Variants in TEX26 observed in about 807,000 individuals in gnomAD.
TEX26 encodes testis expressed 26.
Under a neutral mutation model 35.3 loss-of-function variants are expected in TEX26, and 34 were observed. The ratio of observed to expected loss-of-function variants is 0.96; its 90% confidence interval spans 0.73 to 1.28. TEX26 has a LOEUF of 1.28. TEX26 is among the 50% of genes most tolerant of loss of function. TEX26 has a pLI of 0.00. For synonymous variants in TEX26, 136 were observed against 111.8 expected, an observed-to-expected ratio of 1.22 and a Z score of -1.36; for missense variants, 371 against 330.1, an observed-to-expected ratio of 1.12 and a Z score of -0.96.
At chr13:30,952,401 A>T (rs1296790222) in intron 2 of TEX26, among the ~76,000 whole-genome samples, 1 of 152,116 alleles carries the variant, frequency 6.6e-6, no homozygotes, top group Non-Finnish European at 1.5e-5. Context: ...TCAGCTCTTT[A>T]AAAAAATTAA....
chr13:30,958,539 G>A (rs2138286540), intron 4 of TEX26, among the ~76,000 whole-genome samples: 2 of 152,238 alleles, frequency 1.3e-5, no homozygotes, highest in South Asian at 4.1e-4. Flanking sequence ...GCCAGGGAGT[G>A]CTGAGGGCCC....
rs529274638 is a variant in TEX26 at position 30,968,879 on chromosome 13, C to G, written c.647-6C>G. ...CCGACCTCTCCTCCCCTGTGTATTTCTATAGTGCCTTCTGTGCTGCACAGC... is the reference window on the plus strand; with the variant it reads ...CCGACCTCTCCTCCCCTGTGTATTTGTATAGTGCCTTCTGTGCTGCACAGC... On this transcript the variant is annotated splice_polypyrimidine_tract_variant and splice_region_variant and intron_variant, in intron 5 of 6. Coordinates refer to ENST00000380473, the MANE Select transcript of TEX26 (RefSeq NM_152325.3). The G allele has an allele frequency of 1.2e-6, 2 of 1,612,382 alleles. No individual in the cohort carries two copies. The highest frequency in any genetic ancestry group is 2.2e-5 in the South Asian group (2 of 90,700).
chr13:30,962,431 G>A (rs1453991584), intron 4 of TEX26, among the ~76,000 whole-genome samples: 1 of 152,100 alleles, frequency 6.6e-6, no homozygotes, highest in East Asian at 1.9e-4. Flanking sequence ...CCTCCCTGTG[G>A]AGCAGGTCTC....
At chr13:30,937,253 G>A (rs1953306391) in intron 1 of TEX26, among the ~76,000 whole-genome samples, 1 of 152,178 alleles carries the variant, frequency 6.6e-6, no homozygotes, top group African/African-American at 2.4e-5. Flanking sequence ...ATCTTCAGAA[G>A]GGATAGGACC....
chr13:30,964,283 C>T (rs1954450415), intron 4 of TEX26, among the ~76,000 whole-genome samples: 1 of 151,954 alleles, frequency 6.6e-6, no homozygotes, highest in African/African-American at 2.4e-5. Flanking sequence ...TGAGGGTCAG[C>T]AGATGTATTC....
At chr13:30,961,859 T>A (rs1954357575) in intron 4 of TEX26, among the ~76,000 whole-genome samples, 1 of 152,232 alleles carries the variant, frequency 6.6e-6, no homozygotes, top group Non-Finnish European at 1.5e-5. Flanking sequence ...TTCCTCCTAC[T>A]TTTTTGACTC....
intron 2 of TEX26, among the ~76,000 whole-genome samples, chr13:30,943,390 A>T (rs1452873054): frequency 6.6e-6 from 1 of 151,784 alleles, no homozygotes; most frequent in Non-Finnish European, 1.5e-5. Context: ...CTCTAGGTAT[A>T]TGATCATATC....
intron 1 of TEX26, chr13:30,933,877 C>T (rs1001123528): frequency 6.6e-6 from 1 of 152,186 alleles, no homozygotes; most frequent in Non-Finnish European, 1.5e-5. Context: ...CAGGATTGAT[C>T]CTTCTAGGCT....
intron 2 of TEX26, among the ~76,000 whole-genome samples, chr13:30,952,001 A>ATTTTTTTT (rs751918742): frequency 5.9e-5 from 3 of 50,712 alleles, no homozygotes; most frequent in Admixed American, 2.9e-4. Flanking sequence ...TTATTCTGGG[A>ATTTTTTTT]TTTTTTTTTT....
intron 1 of TEX26, chr13:30,933,524 A>G (rs1953152686): frequency 1.3e-5 from 2 of 152,216 alleles, no homozygotes; most frequent in Non-Finnish European, 2.9e-5. Context: ...ATAGTTGGGT[A>G]ACTGTGATTC....
intron 2 of TEX26, among the ~76,000 whole-genome samples, chr13:30,952,001 A>ATTTTTTTTT (rs751918742): frequency 1.8e-4 from 9 of 50,708 alleles, no homozygotes; most frequent in African/African-American, 6.0e-4. Flanking sequence ...TTATTCTGGG[A>ATTTTTTTTT]TTTTTTTTTT....
intron 2 of TEX26, among the ~76,000 whole-genome samples, chr13:30,950,333 G>T (rs369173328): frequency 1.3e-5 from 2 of 152,158 alleles, no homozygotes; most frequent in East Asian, 3.9e-4. Context: ...TTGAACCCAG[G>T]AAGTGGAGGT....
Position 30,952,810 on chromosome 13 carries a change from A to G in TEX26, c.297A>G (p.Lys99=). The G allele has an allele frequency of 1.2e-6, 2 of 1,612,844 alleles. No individual in the cohort carries two copies. The highest frequency in any genetic ancestry group is 1.7e-6 in the Non-Finnish European group (2 of 1,179,452). ...CTTCAAGAGGAATCAAGAGCCACAA[A>G]TCTCATCTCAATGAAGTAAGATAAT... ...TETSRGIKSH[K]SHLNEDIFLW... The change falls in exon 3 of 7, where the codon AAA becomes AAG. Residue 99 remains lysine (K), a synonymous_variant. Transcript: ENST00000380473.
chr13:30,956,528 C>A (rs1359218248), intron 3 of TEX26, among the ~76,000 whole-genome samples: 2 of 152,192 alleles, frequency 1.3e-5, no homozygotes, highest in Non-Finnish European at 2.9e-5. Context: ...AAGGGGAAAG[C>A]AGCTACTGCC....
At chr13:30,952,598 T>G (rs1356600820) in intron 2 of TEX26, 62 bp from the exon 3 acceptor site, 1 of 1,347,554 alleles carries the variant, frequency 7.4e-7, no homozygotes, top group Non-Finnish European at 1.0e-6. Context: ...ATTTGACATG[T>G]GTACTTTTGT....
intron 6 of TEX26, among the ~76,000 whole-genome samples, chr13:30,972,615 TTTG>T (rs546077309): frequency 1.9e-3 from 283 of 152,176 alleles, no homozygotes; most frequent in African/African-American, 5.9e-3. Context: ...ATACAATCAC[TTTG>T]TTGTTGTTTT....
At chr13:30,937,621 G>C (rs1420748275) in intron 1 of TEX26, among the ~76,000 whole-genome samples, 1 of 152,158 alleles carries the variant, frequency 6.6e-6, no homozygotes, top group Non-Finnish European at 1.5e-5. Flanking sequence ...ATGCTTTCAA[G>C]CATAAAGCGA....
At chr13:30,933,964 T>A (rs1387422902) in intron 1 of TEX26, 1 of 152,316 alleles carries the variant, frequency 6.6e-6, no homozygotes, top group African/African-American at 2.4e-5. Flanking sequence ...CTAACCTTTA[T>A]CTCTGACTTG....
At chr13:30,974,770 C>T (rs1593624247) in intron 6 of TEX26, 76 bp from the exon 7 acceptor site, 1 of 1,379,690 alleles carries the variant, frequency 7.2e-7, no homozygotes. Flanking sequence ...TATTTTCTTC[C>T]TTCATAGAAT....
Sources: gnomAD v4.1 joint callset for allele counts (sites outside exome capture counted in the v4.1 genomes callset) on GRCh38, gnomAD v4.1.1 for gene constraint, MANE v1.5 for transcripts, NCBI Gene and HGNC (gene_info 2026-07-23, HGNC 2026-07-21) for gene names.